The following IGSF11 variants were observed in gnomAD, a reference collection of about 807,000 sequenced individuals.
The protein encoded by IGSF11 is immunoglobulin superfamily member 11, also known as CXADR like 1.
In IGSF11, 22 loss-of-function variants were observed where a neutral mutation model predicts 41.0. The ratio of observed to expected loss-of-function variants is 0.54; its 90% CI spans 0.38 to 0.77. IGSF11 has a LOEUF of 0.77. Among genes scored for constraint, IGSF11 ranks in the 30% least tolerant of loss-of-function variants. The probability of loss-of-function intolerance (pLI) is 0.00; values close to 1 mark genes in which losing one functional copy is unlikely to be tolerated. For missense variants in IGSF11, 444 were observed against 530.8 expected, an observed-to-expected ratio of 0.84 and a Z score of 1.61; for synonymous variants, 219 against 201.3, an observed-to-expected ratio of 1.09 and a Z score of -0.74.
intron 2 of IGSF11, among the ~76,000 whole-genome samples, chr3:118,929,291 C>T (rs1001217940): frequency 6.6e-6 from 1 of 152,294 alleles, no homozygotes; most frequent in African/African-American, 2.4e-5. Context: ...TGTTTAGTAA[C>T]TCTACTCAAG....
intron 1 of IGSF11, among the ~76,000 whole-genome samples, chr3:119,141,920 G>A (rs2077652459): frequency 6.6e-6 from 1 of 151,964 alleles, no homozygotes. Flanking sequence ...GTTAAATAAC[G>A]GACACACTGA....
chr3:119,060,422 G>A (rs569966465), intron 1 of IGSF11, among the ~76,000 whole-genome samples: 1 of 152,266 alleles, frequency 6.6e-6, no homozygotes, highest in East Asian at 1.9e-4. Context: ...CAATCTGATA[G>A]CACATATGAT....
chr3:118,966,107 G>C (rs1945659729), intron 1 of IGSF11, among the ~76,000 whole-genome samples: 1 of 152,056 alleles, frequency 6.6e-6, no homozygotes, highest in African/African-American at 2.4e-5. Context: ...CAAAACCCAT[G>C]TCAGTGAATA....
intron 1 of IGSF11, among the ~76,000 whole-genome samples, chr3:118,965,218 C>A (rs1442282100): frequency 2.6e-5 from 4 of 152,002 alleles, no homozygotes; most frequent in Admixed American, 2.0e-4. Context: ...AGATCAGGAG[C>A]CTTCAATTTA....
At chr3:119,045,724 C>G (rs893667147) in intron 1 of IGSF11, among the ~76,000 whole-genome samples, 9 of 152,026 alleles carry the variant, frequency 5.9e-5, no homozygotes, top group Non-Finnish European at 1.2e-4. Flanking sequence ...GCAGTAACCT[C>G]TGCACACTTA....
At chr3:119,055,175 T>C (rs1252663256) in intron 1 of IGSF11, among the ~76,000 whole-genome samples, 1 of 152,224 alleles carries the variant, frequency 6.6e-6, no homozygotes, top group East Asian at 1.9e-4. Context: ...AACACCCATC[T>C]GTACATCACC....
intron 1 of IGSF11, among the ~76,000 whole-genome samples, chr3:119,111,644 T>G (rs1180273474): frequency 2.0e-5 from 3 of 152,262 alleles, no homozygotes; most frequent in African/African-American, 7.2e-5. Context: ...GGAACTGCGT[T>G]CCTTTGGAGG....
intron 1 of IGSF11, among the ~76,000 whole-genome samples, chr3:119,042,860 C>T (rs552236639): frequency 1.1e-3 from 164 of 152,308 alleles, no homozygotes; most frequent in Non-Finnish European, 1.8e-3. Context: ...CAAACCAACT[C>T]AAGCCATTAC....
intron 1 of IGSF11, among the ~76,000 whole-genome samples, chr3:119,022,781 T>C (rs1939422840): frequency 6.6e-6 from 1 of 152,152 alleles, no homozygotes; most frequent in Non-Finnish European, 1.5e-5. Flanking sequence ...GAAACTCTCA[T>C]ACACTGCTAG....
chr3:119,049,736 T>C (rs1316339041), intron 1 of IGSF11, among the ~76,000 whole-genome samples: 7 of 152,130 alleles, frequency 4.6e-5, no homozygotes, highest in African/African-American at 7.2e-5. Context: ...TCACACTACC[T>C]GAATTCAAAC....
At chr3:119,023,777 CGACCCCCACTATGTCAA>C (rs1291407813) in intron 1 of IGSF11, among the ~76,000 whole-genome samples, 1 of 152,090 alleles carries the variant, frequency 6.6e-6, no homozygotes, top group Admixed American at 6.6e-5. Flanking sequence ...GCTAACATGC[CGACCCCCACTATGTCAA>C]GAGAATCTGA....
intron 1 of IGSF11, among the ~76,000 whole-genome samples, chr3:118,966,492 G>A (rs1338006690): frequency 1.3e-5 from 2 of 152,072 alleles, no homozygotes; most frequent in African/African-American, 4.8e-5. Flanking sequence ...GAAAAGTATG[G>A]TAAGTTTACC....
Position 119,097,957 on chromosome 3 carries a change from A to ATTTTTTTTTTTTTTTTTTTTTTTT in IGSF11, c.49+7163_49+7186dup, listed in dbSNP as rs377746200. On this transcript the variant is annotated intron_variant, in intron 1 of 6. Transcript: ENST00000354673. ...AGGCACATGCCACCACATTCAGCTA[A>ATTTTTTTTTTTTTTTTTTTTTTTT]TTTTTTTTTTTTTTTTTTTTTTTTT... Among the ~76,000 whole-genome samples the ATTTTTTTTTTTTTTTTTTTTTTTT allele has an allele frequency of 1.2e-4, 7 of 58,364 alleles. 1 individual carries two copies. The highest frequency in any genetic ancestry group is 2.1e-4 in the Non-Finnish European group (6 of 29,260). The allele number at this position is 58,364 out of a possible 152,430, so 38.3% of individuals were successfully genotyped here.
chr3:119,068,241 C>A (rs1942292689), intron 1 of IGSF11, among the ~76,000 whole-genome samples: 1 of 152,218 alleles, frequency 6.6e-6, no homozygotes, highest in African/African-American at 2.4e-5. Context: ...GTCCTAACCA[C>A]AAACTTCCAT....
At chr3:118,979,902 T>C (rs959835372) in intron 1 of IGSF11, among the ~76,000 whole-genome samples, 4 of 152,036 alleles carry the variant, frequency 2.6e-5, no homozygotes, top group African/African-American at 9.7e-5. Context: ...CCAACAGGTA[T>C]ACAGAAGAAA....
chr3:119,081,448 T>C (rs1262083516), intron 1 of IGSF11, among the ~76,000 whole-genome samples: 1 of 152,196 alleles, frequency 6.6e-6, no homozygotes, highest in Non-Finnish European at 1.5e-5. Flanking sequence ...CGTGGGTCCC[T>C]ACCAGTTCCA....
At chr3:118,981,318 T>C (rs1934690808) in intron 1 of IGSF11, among the ~76,000 whole-genome samples, 1 of 152,072 alleles carries the variant, frequency 6.6e-6, no homozygotes, top group Admixed American at 6.5e-5. Flanking sequence ...TACAGGCACA[T>C]GCCACCATGC....
chr3:119,094,608 C>A (rs530932983), intron 1 of IGSF11, among the ~76,000 whole-genome samples: 5 of 149,996 alleles, frequency 3.3e-5, no homozygotes, highest in African/African-American at 1.2e-4. Flanking sequence ...AAAAAAGGAA[C>A]AAGAATATCT....
At chr3:119,132,558 C>T (rs757877633) in intron 1 of IGSF11, among the ~76,000 whole-genome samples, 52 of 152,016 alleles carry the variant, frequency 3.4e-4, no homozygotes, top group Admixed American at 2.9e-3. Flanking sequence ...TATGGGAGCA[C>T]GCAGATTCAT....
Sources: gnomAD v4.1 joint callset for allele counts (sites outside exome capture counted in the v4.1 genomes callset) on GRCh38, gnomAD v4.1.1 for gene constraint, MANE v1.5 for transcripts, NCBI Gene and HGNC (gene_info 2026-07-23, HGNC 2026-07-21) for gene names.